PTPRD: variants seen among roughly 807,000 people sequenced by gnomAD.
The protein encoded by PTPRD is receptor-type tyrosine-protein phosphatase delta.
Under a neutral mutation model 214.5 loss-of-function variants are expected in PTPRD, and 34 were observed. That is an observed-to-expected ratio of 0.16 (90% CI 0.12 to 0.21). The LOEUF (loss-of-function observed/expected upper bound fraction) is 0.21, where lower values mean the gene tolerates loss of function less well. Among genes scored for constraint, PTPRD ranks in the 10% least tolerant of loss-of-function variants. The pLI is 1.00. For missense variants in PTPRD, 2,545 were observed against 2,398.7 expected, an observed-to-expected ratio of 1.06 and a Z score of -1.27; for synonymous variants, 1,128 against 845.7, an observed-to-expected ratio of 1.33 and a Z score of -5.79.
intron 23 of PTPRD, among the ~76,000 whole-genome samples, chr9:8,502,514 C>T (rs1210679150): frequency 6.6e-6 from 1 of 152,066 alleles, no homozygotes; most frequent in African/African-American, 2.4e-5. Context: ...AAGAAATCCT[C>T]ATAGGACAGC....
In PTPRD at chr9:9,151,224, G is replaced by A. The variant is rs549118650; in HGVS notation, c.-143+32080C>T. Reference sequence around the variant, plus strand: ...ATGACAATTGTTTTGGGGAGTCTGAGGTTTTTGTTTGGGCATCTCCTGCTC... The same window carrying A: ...ATGACAATTGTTTTGGGGAGTCTGAAGTTTTTGTTTGGGCATCTCCTGCTC... On this transcript the variant is annotated intron_variant, in intron 10 of 45. Transcript: ENST00000381196. 2.3e-4 allele frequency among the ~76,000 whole-genome samples: 35 copies of A among 152,264 alleles called. No individual in the cohort carries two copies. The South Asian group carries it at 7.3e-3, about 32-fold the overall frequency.
intron 3 of PTPRD, among the ~76,000 whole-genome samples, chr9:10,152,087 T>C (rs749789706): frequency 2.0e-5 from 3 of 152,168 alleles, no homozygotes; most frequent in Admixed American, 6.5e-5. Context: ...GTAGTAAGAT[T>C]CTGTTCAACT....
At chr9:8,882,894 A>AAAAAAAAAAAAAT (rs1471438814) in intron 11 of PTPRD, among the ~76,000 whole-genome samples, 3 of 151,716 alleles carry the variant, frequency 2.0e-5, no homozygotes, top group Non-Finnish European at 4.4e-5. Flanking sequence ...CAAAAAAAAA[A>AAAAAAAAAAAAAT]AAGGTATTTT....
At chr9:10,432,570 CT>C (rs2098690277) in intron 2 of PTPRD, among the ~76,000 whole-genome samples, 1 of 152,084 alleles carries the variant, frequency 6.6e-6, no homozygotes, top group South Asian at 2.1e-4. Flanking sequence ...ACATTCTTTT[CT>C]TTCTCTCAAT....
intron 9 of PTPRD, among the ~76,000 whole-genome samples, chr9:9,389,258 T>A (rs1586835882): frequency 6.6e-6 from 1 of 152,162 alleles, no homozygotes; most frequent in Non-Finnish European, 1.5e-5. Context: ...CGCCTGTAAT[T>A]CCACCACCTT....
At chr9:9,543,571 A>C (rs1218066988) in intron 8 of PTPRD, among the ~76,000 whole-genome samples, 1 of 151,674 alleles carries the variant, frequency 6.6e-6, no homozygotes, top group African/African-American at 2.4e-5. Flanking sequence ...ATTTAATGAT[A>C]GATTTTTTGG....
chr9:10,446,417 CTTT>C (rs34478548), intron 2 of PTPRD, among the ~76,000 whole-genome samples: 50 of 92,958 alleles, frequency 5.4e-4, no homozygotes, highest in African/African-American at 1.8e-3. Flanking sequence ...CTATTTTTTT[CTTT>C]TTTTTTTTTT....
intron 8 of PTPRD, among the ~76,000 whole-genome samples, chr9:9,458,945 G>C (rs2093365013): frequency 6.6e-6 from 1 of 151,998 alleles, no homozygotes. Context: ...GTCTAAAAAT[G>C]AAAACAAACA....
chr9:9,106,140 A>T (rs2099798231), intron 10 of PTPRD, among the ~76,000 whole-genome samples: 1 of 152,082 alleles, frequency 6.6e-6, no homozygotes, highest in African/African-American at 2.4e-5. Flanking sequence ...CATTTTTGTT[A>T]TCCACTTAGT....
At chr9:8,567,030 T>C (rs1166647695) in intron 14 of PTPRD, among the ~76,000 whole-genome samples, 3 of 152,202 alleles carry the variant, frequency 2.0e-5, no homozygotes, top group Non-Finnish European at 4.4e-5. Flanking sequence ...CCCTCTCGAA[T>C]GCTACCTTCT....
At chr9:9,318,216 CAAA>C in intron 9 of PTPRD, among the ~76,000 whole-genome samples, 1 of 133,666 alleles carries the variant, frequency 7.5e-6, no homozygotes, top group Non-Finnish European at 1.6e-5. Flanking sequence ...CAAAAACAAA[CAAA>C]AAACCAAAAA....
rs186931392 is a variant in PTPRD at position 8,464,480 on chromosome 9, G to C, written c.3714+986C>G. On this transcript the variant is annotated intron_variant, in intron 32 of 45. Transcript: ENST00000381196. ...CTTTGTGTTTTGATTTTCCACGGGG[G>C]AATTCTTTCAGTCACTTGAAGAGAG... 2.6e-5 allele frequency among the ~76,000 whole-genome samples: 4 copies of C among 151,986 alleles called. No homozygotes were observed. In the East Asian group the frequency reaches 7.8e-4, roughly 30 times the overall value.
At chr9:8,586,071 G>A (rs537679057) in intron 14 of PTPRD, among the ~76,000 whole-genome samples, 2 of 152,334 alleles carry the variant, frequency 1.3e-5, no homozygotes, top group East Asian at 3.9e-4. Flanking sequence ...GGTAACTGAG[G>A]TGGGCAGATA....
At chr9:9,354,679 T>G (rs1178205704) in intron 9 of PTPRD, among the ~76,000 whole-genome samples, 1 of 151,654 alleles carries the variant, frequency 6.6e-6, no homozygotes, top group Non-Finnish European at 1.5e-5. Context: ...AGGTAAAAAG[T>G]GCTATGGAAT....
rs1406361762 is a variant in PTPRD at position 9,409,299 on chromosome 9, C to A, written c.-236-11817G>T. Among the ~76,000 whole-genome samples, 3 of 152,024 alleles carry A rather than the reference C, an allele frequency of 2.0e-5. No individual in the cohort carries two copies. The East Asian group carries it at 5.8e-4, about 29-fold the overall frequency. Reference sequence around the variant, plus strand: ...CCAATAGCAAGCTTTAATATATCTTCATCATTGAATGTATTACATTGGAAT... The same window carrying A: ...CCAATAGCAAGCTTTAATATATCTTAATCATTGAATGTATTACATTGGAAT... On this transcript the variant is annotated intron_variant, in intron 8 of 45. Coordinates refer to ENST00000381196, the MANE Select transcript of PTPRD (RefSeq NM_002839.4).
At chr9:10,256,062 C>T (rs2154372313) in intron 3 of PTPRD, among the ~76,000 whole-genome samples, 1 of 152,168 alleles carries the variant, frequency 6.6e-6, no homozygotes, top group East Asian at 1.9e-4. Context: ...CTGTAAACTG[C>T]ATATGTGAGG....
intron 11 of PTPRD, among the ~76,000 whole-genome samples, chr9:8,824,230 T>A (rs2097132583): frequency 6.6e-6 from 1 of 152,244 alleles, no homozygotes; most frequent in African/African-American, 2.4e-5. Flanking sequence ...TAGCCTCATT[T>A]TACCCAGCTT....
intron 11 of PTPRD, among the ~76,000 whole-genome samples, chr9:8,874,283 C>CT (rs2098353430): frequency 6.6e-6 from 1 of 152,194 alleles, no homozygotes; most frequent in African/African-American, 2.4e-5. Flanking sequence ...TTTTATTTTT[C>CT]TTTTCAAACC....
intron 4 of PTPRD, among the ~76,000 whole-genome samples, chr9:9,984,685 T>C (rs1215289001): frequency 1.3e-5 from 2 of 152,034 alleles, no homozygotes; most frequent in African/African-American, 4.8e-5. Flanking sequence ...AGCAGGTGAA[T>C]TGATACAATA....
Sources: gnomAD v4.1 joint callset for allele counts (sites outside exome capture counted in the v4.1 genomes callset) on GRCh38, gnomAD v4.1.1 for gene constraint, MANE v1.5 for transcripts, NCBI Gene and HGNC (gene_info 2026-07-23, HGNC 2026-07-21) for gene names.